BANK1: variants seen among roughly 807,000 people sequenced by gnomAD.
BANK1 encodes B-cell scaffold protein with ankyrin repeats.
BANK1 carries 95 observed loss-of-function variants against 94.5 expected under a neutral mutation model. The observed-to-expected ratio is 1.00, with a 90% CI of 0.85 to 1.19. BANK1 has a LOEUF of 1.19. Ranked by LOEUF, BANK1 falls within the 50% of genes most tolerant of loss-of-function variation. The probability of loss-of-function intolerance (pLI) is 0.00; values close to 1 mark genes in which losing one functional copy is unlikely to be tolerated. For synonymous variants in BANK1, 334 were observed against 308.4 expected (o/e 1.08, Z -0.87); for missense variants, 987 against 932.2 (o/e 1.06, Z -0.77).
chr4:101,806,503 G>A (rs1461333675), intron 1 of BANK1, among the ~76,000 whole-genome samples: 1 of 152,172 alleles, frequency 6.6e-6, no homozygotes, highest in Non-Finnish European at 1.5e-5. Context: ...AATAAGTACA[G>A]GATGAAGCCT....
chr4:102,007,146 T>TTTTATATATATATATATATATATA (rs1726327024), intron 7 of BANK1, among the ~76,000 whole-genome samples: 1 of 38,068 alleles, frequency 2.6e-5, no homozygotes, highest in Non-Finnish European at 6.8e-5. Flanking sequence ...AAAATATATT[T>TTTTATATATATATATATATATATA]TATATATATA....
intron 7 of BANK1, among the ~76,000 whole-genome samples, chr4:101,919,053 T>C (rs1722918962): frequency 6.6e-6 from 1 of 151,988 alleles, no homozygotes; most frequent in African/African-American, 2.4e-5. Context: ...ATGCTAGTTT[T>C]TAACTAGTTA....
intron 11 of BANK1, among the ~76,000 whole-genome samples, chr4:102,058,293 T>C (rs1728295503): frequency 6.6e-6 from 1 of 152,094 alleles, no homozygotes; most frequent in African/African-American, 2.4e-5. Flanking sequence ...CAAATGTAAA[T>C]ACTTGTAAAG....
chr4:102,064,094 C>T (rs1230269205), intron 13 of BANK1, among the ~76,000 whole-genome samples: 1 of 152,120 alleles, frequency 6.6e-6, no homozygotes, highest in African/African-American at 2.4e-5. Context: ...CCAAGACTCT[C>T]CCCCTGCACA....
At chr4:102,021,465 C>A (rs1445187523) in intron 7 of BANK1, 49 bp from the exon 8 acceptor site, 4 of 729,074 alleles carry the variant, frequency 5.5e-6, no homozygotes, top group Non-Finnish European at 8.8e-6. Context: ...GCATCCAGTG[C>A]ATATTTATTA....
chr4:101,910,452 C>T (rs1296558063), intron 6 of BANK1, among the ~76,000 whole-genome samples: 2 of 151,816 alleles, frequency 1.3e-5, no homozygotes, highest in South Asian at 2.1e-4. Flanking sequence ...GAGGCCGAGG[C>T]GGGCTGATCA....
At chr4:101,857,523 C>T (rs937600452) in intron 3 of BANK1, among the ~76,000 whole-genome samples, 2 of 152,158 alleles carry the variant, frequency 1.3e-5, no homozygotes, top group African/African-American at 2.4e-5. Context: ...TAACTTTAGT[C>T]TATCGTTAAT....
intron 11 of BANK1, among the ~76,000 whole-genome samples, chr4:102,056,011 A>G (rs76317878): frequency 0.018 from 2,701 of 152,234 alleles, 81 homozygotes; most frequent in African/African-American, 0.043. Flanking sequence ...TACTTACTCA[A>G]TGCTCTAAGC....
At position 101,994,521 on chromosome 4, in the gene BANK1, A is replaced by C. The variant is rs144207676; in HGVS notation, c.1207-26993A>C. ...AGAATCTGTTTTTTTAAAAAATATA[A>C]TTGCATCATGTCAATTTAAGAAAAA... is the stretch of plus-strand genomic sequence containing the variant. On this transcript the variant is annotated intron_variant, in intron 7 of 16. Transcript: ENST00000322953. Among the ~76,000 whole-genome samples, 351 of 152,232 alleles carry C rather than the reference A, an allele frequency of 2.3e-3. 3 individuals are homozygous for C. In the East Asian group the frequency reaches 0.036, roughly 16 times the overall value.
intron 1 of BANK1, among the ~76,000 whole-genome samples, chr4:101,807,312 G>T (rs1424495455): frequency 6.6e-6 from 1 of 152,094 alleles, no homozygotes; most frequent in Admixed American, 6.5e-5. Flanking sequence ...AATCACTACT[G>T]CCATAAGTAG....
chr4:101,952,963 C>A (rs1042750330), intron 7 of BANK1, among the ~76,000 whole-genome samples: 1 of 151,868 alleles, frequency 6.6e-6, no homozygotes, highest in Non-Finnish European at 1.5e-5. Context: ...TAACAAATAC[C>A]CTTGCAGTAA....
chr4:101,864,890 A>G (rs78440527), intron 4 of BANK1, among the ~76,000 whole-genome samples: 2,859 of 152,276 alleles, frequency 0.019, 37 homozygotes, highest in Non-Finnish European at 0.03. Context: ...CCTCCCAGGT[A>G]TGGAGCAGGC....
At chr4:101,987,607 T>A (rs1458268894) in intron 7 of BANK1, among the ~76,000 whole-genome samples, 1 of 152,222 alleles carries the variant, frequency 6.6e-6, no homozygotes, top group Admixed American at 6.5e-5. Flanking sequence ...TATCTTTGTA[T>A]GATCAGTCCA....
intron 1 of BANK1, among the ~76,000 whole-genome samples, chr4:101,811,397 A>G (rs1011185254): frequency 5.3e-5 from 8 of 152,148 alleles, no homozygotes; most frequent in Admixed American, 5.2e-4. Flanking sequence ...ATATGGAACC[A>G]TAAGGCATAA....
At position 101,953,985 on chromosome 4, in the gene BANK1, T is replaced by C. The variant is rs558420001; in HGVS notation, c.1206+35796T>C. ...AGTACTGCAGGCTAGAAGTCTGAAATCAAGGTGTGTCTGCAGAGTTTGTTC... is the reference window on the plus strand; with the variant it reads ...AGTACTGCAGGCTAGAAGTCTGAAACCAAGGTGTGTCTGCAGAGTTTGTTC... On this transcript the variant is annotated intron_variant, in intron 7 of 16. Coordinates refer to ENST00000322953, the MANE Select transcript of BANK1 (RefSeq NM_017935.5). Among the ~76,000 whole-genome samples, 4 of 152,192 alleles carry C rather than the reference T, an allele frequency of 2.6e-5. 1 individual carries two copies. The South Asian group carries it at 8.3e-4, about 32-fold the overall frequency.
intron 7 of BANK1, among the ~76,000 whole-genome samples, chr4:102,016,115 A>G (rs1726690564): frequency 2.0e-5 from 3 of 152,224 alleles, no homozygotes; most frequent in Admixed American, 2.0e-4. Flanking sequence ...AACTGAACAT[A>G]TTTTAAGACT....
chr4:101,815,708 G>T (rs1337027986), intron 1 of BANK1, among the ~76,000 whole-genome samples: 1 of 151,958 alleles, frequency 6.6e-6, no homozygotes, highest in Non-Finnish European at 1.5e-5. Flanking sequence ...TAAGTACTCT[G>T]TTAAGGAGTT....
chr4:102,068,096 A>G lies in BANK1; in HGVS notation c.2213-3179A>G, dbSNP rs373691973. On this transcript the variant is annotated intron_variant, in intron 13 of 16. Coordinates refer to ENST00000322953, the MANE Select transcript of BANK1 (RefSeq NM_017935.5). ...ATTCAAAATAACATGAGGGTCAAAT[A>G]AGAAATCATAAGAAAGTATTTCAAC... Among the ~76,000 whole-genome samples, 6 of 152,278 alleles carry G rather than the reference A, an allele frequency of 3.9e-5. No homozygotes were observed. In the South Asian group the frequency reaches 6.2e-4, roughly 16 times the overall value.
intron 4 of BANK1, among the ~76,000 whole-genome samples, chr4:101,865,745 T>C (rs1266021423): frequency 6.6e-6 from 1 of 152,054 alleles, no homozygotes; most frequent in East Asian, 1.9e-4. Context: ...ACCTTATGGT[T>C]ACCACAACAG....
Sources: allele counts gnomAD v4.1 joint callset (sites outside exome capture counted in the v4.1 genomes callset), GRCh38; gene constraint gnomAD v4.1.1; transcripts MANE v1.5; gene names NCBI Gene and HGNC (gene_info 2026-07-23, HGNC 2026-07-21).